Variants in LCLAT1 observed in about 807,000 individuals in gnomAD.
LCLAT1 encodes lysocardiolipin acyltransferase 1.
A neutral mutation model predicts 30.7 loss-of-function variants in LCLAT1; 11 were observed. That is an observed-to-expected ratio of 0.36 (90% CI 0.23 to 0.59). The LOEUF is 0.59. Ranked by LOEUF, LCLAT1 falls within the 20% of genes least tolerant of loss-of-function variation. LCLAT1 has a pLI of 0.77. For missense variants in LCLAT1, 402 were observed against 458.6 expected (o/e 0.88, Z 1.13); for synonymous variants, 155 against 151.3 (o/e 1.02, Z -0.18).
At chr2:30,462,839 T>G (rs1682230463) in intron 1 of LCLAT1, among the ~76,000 whole-genome samples, 1 of 152,200 alleles carries the variant, frequency 6.6e-6, no homozygotes, top group Admixed American at 6.5e-5. Context: ...AACATGAGAA[T>G]AAACATATTC....
At chr2:30,583,720 G>T (rs1027930302) in intron 5 of LCLAT1, among the ~76,000 whole-genome samples, 1 of 152,062 alleles carries the variant, frequency 6.6e-6, no homozygotes, top group Non-Finnish European at 1.5e-5. Flanking sequence ...CATTTCTGTG[G>T]CAGTCTTTAC....
intron 4 of LCLAT1, among the ~76,000 whole-genome samples, chr2:30,563,574 G>A (rs1369522354): frequency 6.6e-6 from 1 of 152,212 alleles, no homozygotes; most frequent in Non-Finnish European, 1.5e-5. Flanking sequence ...GGGAAGACAG[G>A]CTGAAGCAGG....
intron 5 of LCLAT1, among the ~76,000 whole-genome samples, chr2:30,619,755 G>C (rs1486484641): frequency 6.6e-6 from 1 of 152,186 alleles, no homozygotes; most frequent in Non-Finnish European, 1.5e-5. Context: ...CAAAATTGCA[G>C]TATTGGCAGA....
intron 5 of LCLAT1, among the ~76,000 whole-genome samples, chr2:30,601,219 T>TG (rs1285900579): frequency 6.6e-6 from 1 of 152,136 alleles, no homozygotes; most frequent in Non-Finnish European, 1.5e-5. Context: ...TTCTTTGCAT[T>TG]GGTTTAGAAC....
chr2:30,460,500 C>T (rs185290547), intron 1 of LCLAT1, among the ~76,000 whole-genome samples: 7 of 152,188 alleles, frequency 4.6e-5, no homozygotes, highest in African/African-American at 1.7e-4. Context: ...CTTCAGTAGT[C>T]TACTAGTCGG....
chr2:30,478,800 T>G (rs940500414), intron 1 of LCLAT1, among the ~76,000 whole-genome samples: 3 of 152,240 alleles, frequency 2.0e-5, no homozygotes, highest in Non-Finnish European at 4.4e-5. Context: ...ATCTTTGGCA[T>G]AGTATTTGTA....
intron 5 of LCLAT1, among the ~76,000 whole-genome samples, chr2:30,581,282 G>A (rs542643774): frequency 6.6e-6 from 1 of 152,184 alleles, no homozygotes; most frequent in Admixed American, 6.6e-5. Flanking sequence ...TTCTGCCTTT[G>A]ATTAGATACC....
intron 5 of LCLAT1, among the ~76,000 whole-genome samples, chr2:30,589,415 G>A (rs1572664102): frequency 6.6e-6 from 1 of 151,832 alleles, no homozygotes; most frequent in East Asian, 1.9e-4. Context: ...TGGATAACGA[G>A]TATGTTTATC....
rs145483259 is a variant in LCLAT1 at position 30,490,849 on chromosome 2, C to T, written c.-4-34738C>T. On this transcript the variant is annotated intron_variant, in intron 1 of 5. Transcript: ENST00000379509. ...GCATCTACTAGAGTAATACATAGCA[C>T]TGACTATTTGTGATGTGGCTAGTCA... Among the ~76,000 whole-genome samples, 802 of 152,254 alleles carry T rather than the reference C, an allele frequency of 5.3e-3. 3 individuals carry two copies. The highest frequency in any genetic ancestry group is 9.4e-3 in the Admixed American group (143 of 15,284).
At chr2:30,611,959 T>A (rs1457106844) in intron 5 of LCLAT1, among the ~76,000 whole-genome samples, 2 of 151,984 alleles carry the variant, frequency 1.3e-5, no homozygotes, top group African/African-American at 4.8e-5. Context: ...TCTGTGAAAT[T>A]TTTTTCAAGC....
In LCLAT1 at chr2:30,556,026, C is replaced by T. The variant is rs576203709; in HGVS notation, c.365-6120C>T. ...AGCCAGGATGGTCTCAATCTCCTGACCTTGTGATCCGCCCACCTCGGCCTT... is the reference window on the plus strand; with the variant it reads ...AGCCAGGATGGTCTCAATCTCCTGATCTTGTGATCCGCCCACCTCGGCCTT... On this transcript the variant is annotated intron_variant, in intron 3 of 5. Transcript: ENST00000379509. Among the ~76,000 whole-genome samples, 225 of 152,014 alleles carry T rather than the reference C, an allele frequency of 1.5e-3. 4 individuals carry two copies. Among genetic ancestry groups the T allele is most frequent in the Admixed American group, 2.6e-3 (40 of 15,270 alleles).
intron 5 of LCLAT1, among the ~76,000 whole-genome samples, chr2:30,573,644 C>G (rs954115725): frequency 1.3e-5 from 2 of 152,176 alleles, no homozygotes; most frequent in East Asian, 3.9e-4. Flanking sequence ...GATAACAGTT[C>G]ATCCAGGAAG....
chr2:30,531,189 C>T (rs577008858), intron 2 of LCLAT1, among the ~76,000 whole-genome samples: 39 of 152,030 alleles, frequency 2.6e-4, no homozygotes, highest in Admixed American at 5.2e-4. Flanking sequence ...CACTTGAACC[C>T]GGGAGGCAGA....
intron 3 of LCLAT1, among the ~76,000 whole-genome samples, chr2:30,554,580 C>A (rs1191428301): frequency 6.6e-6 from 1 of 152,100 alleles, no homozygotes; most frequent in Non-Finnish European, 1.5e-5. Flanking sequence ...AATAATTTTA[C>A]TTAATTCATA....
intron 3 of LCLAT1, among the ~76,000 whole-genome samples, chr2:30,547,834 A>G (rs550286785): frequency 6.6e-6 from 1 of 152,250 alleles, no homozygotes; most frequent in South Asian, 2.1e-4. Flanking sequence ...TCTGTTATTT[A>G]TAGCCAAAAG....
intron 5 of LCLAT1, among the ~76,000 whole-genome samples, chr2:30,597,326 T>G (rs1346406187): frequency 1.3e-5 from 2 of 152,078 alleles, no homozygotes; most frequent in Non-Finnish European, 2.9e-5. Flanking sequence ...CCTTGAGCAG[T>G]GATTTGTAGT....
chr2:30,526,424 T>G (rs1339668342), intron 2 of LCLAT1, among the ~76,000 whole-genome samples: 1 of 152,186 alleles, frequency 6.6e-6, no homozygotes, highest in Non-Finnish European at 1.5e-5. Context: ...ATCTAGTGAA[T>G]TTTTATTTAA....
chr2:30,512,598 C>T (rs1405281388), intron 1 of LCLAT1, among the ~76,000 whole-genome samples: 1 of 152,170 alleles, frequency 6.6e-6, no homozygotes, highest in Non-Finnish European at 1.5e-5. Context: ...CCTATTAATA[C>T]ACCTAGAAAT....
chr2:30,504,245 C>G (rs1252366020), intron 1 of LCLAT1, among the ~76,000 whole-genome samples: 1 of 151,606 alleles, frequency 6.6e-6, no homozygotes, highest in Non-Finnish European at 1.5e-5. Flanking sequence ...TATTTATGGG[C>G]TCATATTTTG....
Sources: allele counts gnomAD v4.1 joint callset (sites outside exome capture counted in the v4.1 genomes callset), GRCh38; gene constraint gnomAD v4.1.1; transcripts MANE v1.5; gene names NCBI Gene and HGNC (gene_info 2026-07-23, HGNC 2026-07-21).